The following NKAIN3 variants were observed in gnomAD, a reference collection of about 807,000 sequenced individuals.
The protein encoded by NKAIN3 is sodium/potassium transporting ATPase interacting 3.
A neutral mutation model predicts 30.2 loss-of-function variants in NKAIN3; 25 were observed. The observed-to-expected ratio is 0.83, with a 90% confidence interval of 0.60 to 1.16. The LOEUF (loss-of-function observed/expected upper bound fraction) is 1.16. NKAIN3 is among the 50% of genes most tolerant of loss of function. The pLI, the probability that NKAIN3 is intolerant of heterozygous loss-of-function variation, is 0.00. For missense variants in NKAIN3, 225 were observed against 254.1 expected (o/e 0.89, Z 0.78); for synonymous variants, 91 against 89.6 (o/e 1.02, Z -0.09).
At chr8:62,880,882 A>G (rs1820955446) in intron 4 of NKAIN3, among the ~76,000 whole-genome samples, 1 of 152,186 alleles carries the variant, frequency 6.6e-6, no homozygotes, top group Non-Finnish European at 1.5e-5. Flanking sequence ...GAGCACATAG[A>G]AAATCATTTC....
At chr8:62,855,774 A>C (rs2130781080) in intron 4 of NKAIN3, 2 of 1,129,398 alleles carry the variant, frequency 1.8e-6, no homozygotes, top group East Asian at 2.4e-5. Flanking sequence ...AGTAAAGGGC[A>C]TCTTCCTTTT....
At chr8:62,313,296 A>G (rs1235275290) in intron 1 of NKAIN3, among the ~76,000 whole-genome samples, 1 of 152,188 alleles carries the variant, frequency 6.6e-6, no homozygotes, top group South Asian at 2.1e-4. Context: ...ATCGTTCTGC[A>G]GATTGAATGA....
chr8:62,599,697 G>A (rs147696245), intron 3 of NKAIN3, among the ~76,000 whole-genome samples: 93 of 152,112 alleles, frequency 6.1e-4, no homozygotes, highest in African/African-American at 1.8e-3. Context: ...CTTGTGATAG[G>A]ACCTCAGATC....
intron 2 of NKAIN3, among the ~76,000 whole-genome samples, chr8:62,583,765 T>G (rs1459435209): frequency 6.6e-6 from 1 of 152,186 alleles, no homozygotes; most frequent in Non-Finnish European, 1.5e-5. Context: ...GAAACAGTCT[T>G]GGCCTACCTC....
chr8:62,926,834 A>G (rs1822464028), intron 5 of NKAIN3, among the ~76,000 whole-genome samples: 1 of 152,058 alleles, frequency 6.6e-6, no homozygotes, highest in Non-Finnish European at 1.5e-5. Context: ...CTGACAGAAA[A>G]AGCAGACTTC....
intron 1 of NKAIN3, among the ~76,000 whole-genome samples, chr8:62,514,277 A>G (rs952826374): frequency 5.3e-5 from 8 of 152,006 alleles, no homozygotes; most frequent in Admixed American, 2.0e-4. Flanking sequence ...GTTTTTTTTA[A>G]TGTTTTTAGA....
intron 1 of NKAIN3, among the ~76,000 whole-genome samples, chr8:62,411,871 G>C (rs188533828): frequency 1.1e-3 from 174 of 152,124 alleles, no homozygotes; most frequent in African/African-American, 4.1e-3. Context: ...ATTTCTACAA[G>C]GAGAAGTACA....
At chr8:62,799,961 A>G (rs1818000373) in intron 4 of NKAIN3, among the ~76,000 whole-genome samples, 1 of 152,190 alleles carries the variant, frequency 6.6e-6, no homozygotes, top group South Asian at 2.1e-4. Context: ...TGGAAAACCA[A>G]ATATCATATG....
chr8:62,794,726 C>A (rs1817807262), intron 4 of NKAIN3, among the ~76,000 whole-genome samples: 1 of 152,044 alleles, frequency 6.6e-6, no homozygotes, highest in Non-Finnish European at 1.5e-5. Flanking sequence ...TGCCTACAGC[C>A]CTGTGATACT....
intron 1 of NKAIN3, among the ~76,000 whole-genome samples, chr8:62,324,216 G>C (rs1337248073): frequency 6.6e-6 from 1 of 151,998 alleles, no homozygotes; most frequent in East Asian, 1.9e-4. Context: ...GGGAGGTGAA[G>C]GGAGAGGATA....
chr8:62,586,568 A>G (rs1002119481), intron 2 of NKAIN3, among the ~76,000 whole-genome samples: 1 of 152,108 alleles, frequency 6.6e-6, no homozygotes, highest in Non-Finnish European at 1.5e-5. Context: ...AGCATATTGT[A>G]TATGATATTA....
chr8:62,605,414 A>G (rs539941249), intron 3 of NKAIN3, among the ~76,000 whole-genome samples: 5 of 151,908 alleles, frequency 3.3e-5, no homozygotes, highest in African/African-American at 1.2e-4. Flanking sequence ...ATGCAACTGA[A>G]AACCGTGCCT....
chr8:62,977,186 T>C lies in NKAIN3; in HGVS notation c.*11779T>C, dbSNP rs1823961415. On this transcript the variant is annotated 3_prime_UTR_variant, in exon 7 of 7. Transcript: ENST00000623646. ...TTGGGGTTGCTCTTCTCAAAGAGTATCTTTGTGGTGTTCTCTGTATTTCCT... is the reference window on the plus strand; with the variant it reads ...TTGGGGTTGCTCTTCTCAAAGAGTACCTTTGTGGTGTTCTCTGTATTTCCT... 6.6e-6 allele frequency among the ~76,000 whole-genome samples: 1 copy of C among 152,174 alleles called. No individual in the cohort carries two copies. Among genetic ancestry groups the C allele is most frequent in the South Asian group, 2.1e-4 (1 of 4,828 alleles).
chr8:62,474,606 C>T (rs1387529448), intron 1 of NKAIN3, among the ~76,000 whole-genome samples: 1 of 152,004 alleles, frequency 6.6e-6, no homozygotes, highest in Non-Finnish European at 1.5e-5. Context: ...AGAACAAAAC[C>T]TTTTAAGTGC....
At chr8:62,349,688 G>A (rs946111420) in intron 1 of NKAIN3, among the ~76,000 whole-genome samples, 1 of 152,140 alleles carries the variant, frequency 6.6e-6, no homozygotes, top group Non-Finnish European at 1.5e-5. Flanking sequence ...AGGCTCAGTA[G>A]CTAGGCTATT....
chr8:62,622,100 ATTC>A (rs1437564805), intron 3 of NKAIN3, among the ~76,000 whole-genome samples: 1 of 151,982 alleles, frequency 6.6e-6, no homozygotes, highest in African/African-American at 2.4e-5. Context: ...ACTCTCCATA[ATTC>A]TTCTTACATG....
Position 62,658,569 on chromosome 8 carries a change from T to C in NKAIN3, c.273+68775T>C, listed in dbSNP as rs537889234. ...ATGAATATATCACTCCATGAAGATG[T>C]TGAGTCATATTTTGAGTCTTTAAAA... On this transcript the variant is annotated intron_variant, in intron 3 of 6. Coordinates refer to ENST00000623646, the MANE Select transcript of NKAIN3 (RefSeq NM_001304533.3). 2.6e-5 allele frequency among the ~76,000 whole-genome samples: 4 copies of C among 152,334 alleles called. No homozygotes were observed. The East Asian group carries it at 5.8e-4, about 22-fold the overall frequency.
chr8:62,252,859 G>A (rs1209942411), intron 1 of NKAIN3, among the ~76,000 whole-genome samples: 1 of 152,150 alleles, frequency 6.6e-6, no homozygotes, highest in Non-Finnish European at 1.5e-5. Context: ...TGTGCTTTTA[G>A]CACATTCTTT....
chr8:62,752,712 T>C (rs1028459203), intron 4 of NKAIN3, among the ~76,000 whole-genome samples: 2 of 152,184 alleles, frequency 1.3e-5, no homozygotes, highest in African/African-American at 4.8e-5. Flanking sequence ...TAACTAGAAC[T>C]GTACTGAGTG....
Sources: gnomAD v4.1 joint callset for allele counts (sites outside exome capture counted in the v4.1 genomes callset) on GRCh38, gnomAD v4.1.1 for gene constraint, MANE v1.5 for transcripts, NCBI Gene and HGNC (gene_info 2026-07-23, HGNC 2026-07-21) for gene names.